Variants in CAMTA1 observed in about 807,000 individuals in gnomAD.
CAMTA1 encodes calmodulin-binding transcription activator 1.
CAMTA1 carries 27 observed loss-of-function variants against 170.9 expected under a neutral mutation model. That is an observed-to-expected ratio of 0.16 (90% confidence interval 0.12 to 0.22). The LOEUF is 0.22. Ranked by LOEUF, CAMTA1 falls within the 10% of genes least tolerant of loss-of-function variation. CAMTA1 has a pLI of 1.00. For missense variants in CAMTA1, 1,619 were observed against 2,217.2 expected (o/e 0.73, Z 5.42); for synonymous variants, 833 against 891.5 (o/e 0.93, Z 1.17).
At chr1:7,761,058 T>C (rs1158149503) in intron 22 of CAMTA1, among the ~76,000 whole-genome samples, 2 of 152,224 alleles carry the variant, frequency 1.3e-5, no homozygotes, top group East Asian at 3.8e-4. Context: ...TGCTGTTGCT[T>C]ACGACATCAC....
At chr1:6,950,706 G>A (rs1295988684) in intron 3 of CAMTA1, among the ~76,000 whole-genome samples, 1 of 151,750 alleles carries the variant, frequency 6.6e-6, no homozygotes, top group Non-Finnish European at 1.5e-5. Flanking sequence ...CTGGTCCCAT[G>A]CACCCCCACC....
chr1:7,025,854 T>C (rs1359894263), intron 3 of CAMTA1, among the ~76,000 whole-genome samples: 2 of 152,192 alleles, frequency 1.3e-5, no homozygotes, highest in Non-Finnish European at 2.9e-5. Context: ...AAATTGCTCA[T>C]GCCTGTAATC....
At chr1:7,212,844 A>G (rs1659030080) in intron 4 of CAMTA1, among the ~76,000 whole-genome samples, 1 of 152,242 alleles carries the variant, frequency 6.6e-6, no homozygotes, top group Admixed American at 6.5e-5. Context: ...AGAATGTTAT[A>G]TAATTGGAAT....
At chr1:7,347,326 G>A (rs1316290089) in intron 5 of CAMTA1, among the ~76,000 whole-genome samples, 3 of 152,196 alleles carry the variant, frequency 2.0e-5, no homozygotes, top group Admixed American at 6.5e-5. Flanking sequence ...CGGAGAGGGA[G>A]TGGCCCAAGG....
chr1:7,219,910 C>G (rs1418467998), intron 4 of CAMTA1, among the ~76,000 whole-genome samples: 1 of 152,180 alleles, frequency 6.6e-6, no homozygotes, highest in Non-Finnish European at 1.5e-5. Flanking sequence ...TACTAGAGCT[C>G]TCTCCCTGCT....
intron 5 of CAMTA1, among the ~76,000 whole-genome samples, chr1:7,354,211 C>T (rs553772858): frequency 4.2e-4 from 64 of 151,010 alleles, no homozygotes; most frequent in Non-Finnish European, 5.7e-4. Context: ...TGCAGTGGCA[C>T]GATCTTGGCT....
intron 3 of CAMTA1, among the ~76,000 whole-genome samples, chr1:6,879,611 T>TTC (rs1389786360): frequency 2.9e-5 from 4 of 135,802 alleles, no homozygotes; most frequent in South Asian, 2.3e-4. Context: ...TTTTCCTTTT[T>TTC]TCTTTTTTTT....
chr1:7,343,632 G>C (rs547657670), intron 5 of CAMTA1, among the ~76,000 whole-genome samples: 2 of 152,230 alleles, frequency 1.3e-5, no homozygotes, highest in South Asian at 2.1e-4. Flanking sequence ...GCTCTTCTCT[G>C]TCCCTCCCCG....
intron 6 of CAMTA1, among the ~76,000 whole-genome samples, chr1:7,595,272 C>G (rs1359506377): frequency 1.3e-5 from 2 of 152,160 alleles, no homozygotes; most frequent in African/African-American, 4.8e-5. Context: ...TTGGCAAACT[C>G]AGAGCCAACA....
intron 3 of CAMTA1, among the ~76,000 whole-genome samples, chr1:6,977,694 G>C (rs1693708205): frequency 6.6e-6 from 1 of 152,170 alleles, no homozygotes; most frequent in Non-Finnish European, 1.5e-5. Flanking sequence ...GCAGCCCACT[G>C]GGTAGATTGG....
chr1:7,584,741 G>A (rs1325861400), intron 6 of CAMTA1, among the ~76,000 whole-genome samples: 8 of 152,242 alleles, frequency 5.3e-5, no homozygotes, highest in African/African-American at 1.9e-4. Context: ...GGTGTACTTA[G>A]CTAGACCAGA....
intron 6 of CAMTA1, among the ~76,000 whole-genome samples, chr1:7,514,531 A>G (rs770548961): frequency 2.6e-5 from 4 of 152,196 alleles, no homozygotes; most frequent in Admixed American, 6.5e-5. Context: ...GGCCTCCTGG[A>G]AAGACTTTGA....
intron 3 of CAMTA1, among the ~76,000 whole-genome samples, chr1:6,872,766 T>C (rs1005562595): frequency 1.3e-5 from 2 of 152,118 alleles, no homozygotes; most frequent in African/African-American, 2.4e-5. Context: ...TCCTTAGAAA[T>C]CATGTCCTTA....
chr1:7,705,632 C>T (rs1577056607), intron 11 of CAMTA1, among the ~76,000 whole-genome samples: 1 of 152,054 alleles, frequency 6.6e-6, no homozygotes, highest in South Asian at 2.1e-4. Context: ...AGTGCCGCCT[C>T]CTTCCCGCGG....
intron 6 of CAMTA1, among the ~76,000 whole-genome samples, chr1:7,637,757 G>A (rs941466779): frequency 1.3e-5 from 2 of 152,180 alleles, no homozygotes; most frequent in African/African-American, 4.8e-5. Flanking sequence ...TAGTGCTACA[G>A]GCACCTCTCT....
At chr1:7,400,197 A>G (rs1005924834) in intron 5 of CAMTA1, among the ~76,000 whole-genome samples, 23 of 152,192 alleles carry the variant, frequency 1.5e-4, no homozygotes, top group Admixed American at 1.5e-3. Context: ...ACTGTGGGTT[A>G]TTTCAAAAGA....
intron 5 of CAMTA1, among the ~76,000 whole-genome samples, chr1:7,464,903 G>A (rs1034606094): frequency 2.0e-5 from 3 of 152,038 alleles, no homozygotes; most frequent in Admixed American, 6.6e-5. Flanking sequence ...CCCCAGGCAG[G>A]CTCCACCTCT....
intron 4 of CAMTA1, among the ~76,000 whole-genome samples, chr1:7,103,509 C>T (rs189626784): frequency 1.3e-5 from 2 of 148,582 alleles, no homozygotes; most frequent in South Asian, 2.2e-4. Context: ...CAGATACACA[C>T]TACACACGTA....
Position 6,913,680 on chromosome 1 carries a change from C to T in CAMTA1, c.234+88470C>T, listed in dbSNP as rs182227288. On this transcript the variant is annotated intron_variant, in intron 3 of 22. Coordinates refer to ENST00000303635, the MANE Select transcript of CAMTA1 (RefSeq NM_015215.4). ...CAGCACAAACTGTGCTGTGCCAGGC[C>T]CTGTGCTCAGTTCCAGAGATGGTGC... 3.3e-5 allele frequency among the ~76,000 whole-genome samples: 5 copies of T among 152,072 alleles called. 1 individual carries two copies. Among genetic ancestry groups the T allele is most frequent in the African/African-American group, 1.2e-4 (5 of 41,452 alleles).
Sources: gnomAD v4.1 joint callset for allele counts (sites outside exome capture counted in the v4.1 genomes callset) on GRCh38, gnomAD v4.1.1 for gene constraint, MANE v1.5 for transcripts, NCBI Gene and HGNC (gene_info 2026-07-23, HGNC 2026-07-21) for gene names.